NRBF2: variants seen among roughly 807,000 people sequenced by gnomAD.
NRBF2 encodes the protein nuclear receptor-binding factor 2.
NRBF2 carries 12 observed loss-of-function variants against 28.5 expected under a neutral mutation model. The ratio of observed to expected loss-of-function variants is 0.42; its 90% CI spans 0.27 to 0.68. The LOEUF (loss-of-function observed/expected upper bound fraction) is 0.68. NRBF2 is among the 30% of genes least tolerant of loss of function. NRBF2 has a pLI of 0.24. For synonymous variants in NRBF2, 102 were observed against 116.5 expected (o/e 0.88, Z 0.80); for missense variants, 274 against 333.5 (o/e 0.82, Z 1.39).
intron 2 of NRBF2, among the ~76,000 whole-genome samples, chr10:63,146,904 C>T (rs1318046924): frequency 6.6e-6 from 1 of 152,132 alleles, no homozygotes; most frequent in African/African-American, 2.4e-5. Context: ...GTCAGTCAAG[C>T]AACCTAGCAT....
chr10:63,148,123 G>A (rs185116088), intron 2 of NRBF2, among the ~76,000 whole-genome samples: 1 of 152,224 alleles, frequency 6.6e-6, no homozygotes, highest in Non-Finnish European at 1.5e-5. Context: ...CATATGTTAG[G>A]CACTGAGCTA....
intron 1 of NRBF2, among the ~76,000 whole-genome samples, chr10:63,145,829 A>G (rs1459671667): frequency 6.6e-6 from 1 of 152,246 alleles, no homozygotes. Flanking sequence ...GATTAGTGAA[A>G]GTATCTACAA....
At chr10:63,143,572 T>C (rs1388438103) in intron 1 of NRBF2, among the ~76,000 whole-genome samples, 1 of 151,840 alleles carries the variant, frequency 6.6e-6, no homozygotes, top group African/African-American at 2.4e-5. Context: ...GCGATTCTCT[T>C]GCTTCAGCCT....
chr10:63,133,816 C>T (rs1478683141), intron 1 of NRBF2, among the ~76,000 whole-genome samples: 4 of 152,218 alleles, frequency 2.6e-5, no homozygotes, highest in Admixed American at 2.6e-4. Context: ...GCCACGTAGC[C>T]ACCTCCCTAC....
At chr10:63,142,438 G>T (rs1157817043) in intron 1 of NRBF2, among the ~76,000 whole-genome samples, 1 of 151,846 alleles carries the variant, frequency 6.6e-6, no homozygotes, top group Admixed American at 6.6e-5. Context: ...CAAAGTGCTG[G>T]GCTTACAGGT....
In NRBF2 at chr10:63,154,068, A is replaced by G; in HGVS notation, c.714A>G (p.Thr238=). Residue 238 remains threonine (T), a synonymous_variant, in exon 4 of 4, where the codon ACA becomes ACG. Transcript: ENST00000277746. The part of the protein sequence containing the change: ...WSLPPHAETA[T]ASSTWQKFAA... ...TGCCACCACATGCAGAAACTGCTAC[A>G]GCCTCCTCAACCTGGCAGAAGTTCG... is the stretch of plus-strand genomic sequence containing the variant. 1.4e-5 allele frequency: 22 copies of G among 1,613,648 alleles called. No individual in the cohort carries two copies. The highest frequency in any genetic ancestry group is 1.9e-5 in the Non-Finnish European group (22 of 1,179,856).
chr10:63,133,465 G>A lies in NRBF2; in HGVS notation c.-6G>A. 1 of 1,611,936 alleles carries A rather than the reference G, an allele frequency of 6.2e-7. No homozygotes were observed. Among genetic ancestry groups the A allele is most frequent in the Admixed American group, 1.7e-5 (1 of 59,798 alleles). On this transcript the variant is annotated 5_prime_UTR_variant, in exon 1 of 4. Coordinates refer to ENST00000277746, the MANE Select transcript of NRBF2 (RefSeq NM_030759.5). The stretch of plus-strand genomic sequence containing the variant: ...CTTCCTAAGGCCGCCGCTTACCCCG[G>A]GGTCTATGGAAGTAATGGAAGGACC...
At chr10:63,147,611 CTTTTT>C (rs56136949) in intron 2 of NRBF2, among the ~76,000 whole-genome samples, 2 of 134,144 alleles carry the variant, frequency 1.5e-5, no homozygotes, top group African/African-American at 5.6e-5. Context: ...TGCTCTCAGC[CTTTTT>C]TTTTTTTTTT....
intron 1 of NRBF2, among the ~76,000 whole-genome samples, chr10:63,143,749 ATT>A (rs35270148): frequency 1.2e-3 from 142 of 115,960 alleles, no homozygotes; most frequent in African/African-American, 1.6e-3. Flanking sequence ...ACCATGCCCG[ATT>A]TTTTTTTTTT....
At position 63,142,780 on chromosome 10, in the gene NRBF2, CTTTTTTTT is replaced by C. The variant is rs781293012; in HGVS notation, c.31-3416_31-3409del. ...AGTCATTTCTTTTCTTTCTTTCTTT[CTTTTTTTT>C]TTTTTTTTTTTTGAGGCTGTCTTGC... is the stretch of plus-strand genomic sequence containing the variant. On this transcript the variant is annotated intron_variant, in intron 1 of 3. Coordinates refer to ENST00000277746, the MANE Select transcript of NRBF2 (RefSeq NM_030759.5). Among the ~76,000 whole-genome samples the C allele has an allele frequency of 4.9e-3, 370 of 74,962 alleles. 2 individuals are homozygous for C. Among genetic ancestry groups the C allele is most frequent in the Admixed American group, 6.0e-3 (32 of 5,346 alleles). The allele number at this position is 74,962 out of a possible 152,430, so 49.2% of individuals were successfully genotyped here. A position where few individuals can be genotyped will look rare whatever the true frequency, so the allele number is the denominator to read the frequency against.
chr10:63,142,310 T>G lies in NRBF2; in HGVS notation c.31-3899T>G, dbSNP rs546857391. Among the ~76,000 whole-genome samples, 37 of 147,248 alleles carry G rather than the reference T, an allele frequency of 2.5e-4. 1 individual carries two copies. The highest frequency in any genetic ancestry group is 6.4e-4 in the South Asian group (3 of 4,680). The stretch of plus-strand genomic sequence containing the variant: ...GAACCTTTGTTTTTTTTGTTTTTTT[T>G]GTTTTTTTTTGAGATGGAGTTTCAC... On this transcript the variant is annotated intron_variant, in intron 1 of 3. Transcript: ENST00000277746.
rs1285976421 is a variant in NRBF2 at position 63,153,743 on chromosome 10, T to G, written c.389T>G (p.Ile130Ser). Residue 130 changes from isoleucine (I) to serine (S), a missense_variant, in exon 4 of 4, where the codon ATT becomes AGT. By Grantham distance (142) the Ile-to-Ser change is moderately radical. Transcript: ENST00000277746. ...SPSTEKCLPE[I>S]QGIFDRDPDT... ...TCCACAGAGAAATGCCTGCCTGAGA[T>G]TCAGGGGATCTTTGACAGGGATCCA... 1 of 1,612,702 alleles carries G rather than the reference T, an allele frequency of 6.2e-7. No individual in the cohort carries two copies. The highest frequency in any genetic ancestry group is 1.7e-5 in the Admixed American group (1 of 60,000).
intron 1 of NRBF2, among the ~76,000 whole-genome samples, chr10:63,134,241 AAAC>A (rs1344848532): frequency 3.9e-5 from 6 of 152,112 alleles, no homozygotes; most frequent in Non-Finnish European, 7.4e-5. Context: ...TGCAATTAAA[AAAC>A]AACACAACAG....
intron 1 of NRBF2, among the ~76,000 whole-genome samples, chr10:63,135,157 A>C (rs1476787499): frequency 6.6e-6 from 1 of 152,214 alleles, no homozygotes; most frequent in African/African-American, 2.4e-5. Context: ...ACTGCACTCC[A>C]ACCTGGGCGA....
chr10:63,134,534 T>C (rs1841344980), intron 1 of NRBF2, among the ~76,000 whole-genome samples: 1 of 152,236 alleles, frequency 6.6e-6, no homozygotes, highest in Admixed American at 6.5e-5. Context: ...TGCTTGGATT[T>C]GAATTCTAAC....
At position 63,151,388 on chromosome 10, in the gene NRBF2, G is replaced by A. The variant is rs148712745; in HGVS notation, c.116-762G>A. On this transcript the variant is annotated intron_variant, in intron 2 of 3. Coordinates refer to ENST00000277746, the MANE Select transcript of NRBF2 (RefSeq NM_030759.5). ...ACAGATGAATGTACAATAAAATATCGAATGTAATTAAAGATACATAGATAA... is the reference window on the plus strand; with the variant it reads ...ACAGATGAATGTACAATAAAATATCAAATGTAATTAAAGATACATAGATAA... Among the ~76,000 whole-genome samples, 330 of 152,206 alleles carry A rather than the reference G, an allele frequency of 2.2e-3. 2 individuals are homozygous for A. The highest frequency in any genetic ancestry group is 7.5e-3 in the African/African-American group (313 of 41,536).
intron 3 of NRBF2, among the ~76,000 whole-genome samples, chr10:63,153,207 C>T (rs779245565): frequency 3.3e-5 from 5 of 152,070 alleles, no homozygotes; most frequent in Non-Finnish European, 5.9e-5. Context: ...TATCCAAACA[C>T]GCGGTTGATA....
intron 1 of NRBF2, among the ~76,000 whole-genome samples, chr10:63,136,377 A>G (rs563029252): frequency 2.0e-5 from 3 of 152,304 alleles, no homozygotes; most frequent in South Asian, 2.1e-4. Flanking sequence ...TCTCAATGCT[A>G]TAATTTGAAT....
intron 1 of NRBF2, among the ~76,000 whole-genome samples, chr10:63,142,414 C>G (rs549700922): frequency 6.6e-6 from 1 of 151,720 alleles, no homozygotes; most frequent in Non-Finnish European, 1.5e-5. Context: ...AGCAATTCTC[C>G]TGCCTCGTCT....
Sources: gnomAD v4.1 joint callset for allele counts (sites outside exome capture counted in the v4.1 genomes callset) on GRCh38, gnomAD v4.1.1 for gene constraint, MANE v1.5 for transcripts, NCBI Gene and HGNC (gene_info 2026-07-23, HGNC 2026-07-21) for gene names.